The following UBA5 variants were observed in gnomAD, a reference collection of about 807,000 sequenced individuals.
UBA5 encodes ubiquitin-like modifier-activating enzyme 5.
UBA5 carries 28 observed loss-of-function variants against 52.9 expected under a neutral mutation model. The observed-to-expected ratio is 0.53, with a 90% CI of 0.39 to 0.73. UBA5 has a LOEUF of 0.73. Ranked by LOEUF, UBA5 falls within the 30% of genes least tolerant of loss-of-function variation. The pLI, the probability that UBA5 is intolerant of heterozygous loss-of-function variation, is 0.00. For missense variants in UBA5, 388 were observed against 492.7 expected, an observed-to-expected ratio of 0.79 and a Z score of 2.01; for synonymous variants, 135 against 162.1, an observed-to-expected ratio of 0.83 and a Z score of 1.27.
intron 8 of UBA5, among the ~76,000 whole-genome samples, chr3:132,673,767 T>G (rs979299001): frequency 6.6e-6 from 1 of 151,832 alleles, no homozygotes; most frequent in Non-Finnish European, 1.5e-5. Flanking sequence ...CAGGTTCAAG[T>G]GATCCTCCTA....
chr3:132,667,568 G>A (rs1938429489), intron 3 of UBA5: 1 of 152,198 alleles, frequency 6.6e-6, no homozygotes, highest in African/African-American at 2.4e-5. Context: ...GTGAATTAAT[G>A]AGGTTAAATA....
chr3:132,657,965 G>A (rs1373709395), upstream of UBA5, among the ~76,000 whole-genome samples: 3 of 149,394 alleles, frequency 2.0e-5, no homozygotes, highest in East Asian at 2.0e-4. Context: ...TGGTTCAAGC[G>A]ATTCTCCTGC....
intron 1 of UBA5, among the ~76,000 whole-genome samples, chr3:132,663,559 T>C (rs1938255695): frequency 6.6e-6 from 1 of 152,080 alleles, no homozygotes; most frequent in South Asian, 2.1e-4. Context: ...GGTTGGAGTT[T>C]GAAAGATTAT....
Position 132,670,205 on chromosome 3 carries a change from A to C in UBA5, c.415A>C (p.Asn139His). ...TCCCTTTTTCCTTCTTAGGAACATTAATCCTGATGTTCTTTTTGAAGTACA... is the reference window on the plus strand; with the variant it reads ...TCCCTTTTTCCTTCTTAGGAACATTCATCCTGATGTTCTTTTTGAAGTACA... Reference protein sequence around the residue: ...QAAEHTLRNINPDVLFEVHNY... With the variant: ...QAAEHTLRNIHPDVLFEVHNY... The change falls in exon 5 of 12, where the codon AAT becomes CAT. Residue 139 changes from asparagine to histidine, a missense_variant. Coordinates refer to ENST00000356232, the MANE Select transcript of UBA5 (RefSeq NM_024818.6). 6.8e-7 allele frequency: 1 copy of C among 1,461,396 alleles called. No homozygotes were observed. Among genetic ancestry groups the C allele is most frequent in the Non-Finnish European group, 9.5e-7 (1 of 1,050,186 alleles). 90.5% of individuals were successfully genotyped at this position (1,461,396 alleles called of 1,614,324 possible).
At chr3:132,666,426 G>A (rs1938381103) in intron 3 of UBA5, among the ~76,000 whole-genome samples, 1 of 152,100 alleles carries the variant, frequency 6.6e-6, no homozygotes, top group Non-Finnish European at 1.5e-5. Flanking sequence ...AGGCAGAATA[G>A]AAAACATGTA....
Position 132,678,283 on chromosome 3 carries a change from A to G in UBA5, c.*1757A>G, listed in dbSNP as rs904841998. Reference sequence around the variant, plus strand: ...GTAATAGAGATGTTGCTATCCTAGAATACTCTCTTGACAGTCTGTATGCCA... The same window carrying G: ...GTAATAGAGATGTTGCTATCCTAGAGTACTCTCTTGACAGTCTGTATGCCA... On this transcript the variant is annotated 3_prime_UTR_variant, in exon 12 of 12. Transcript: ENST00000356232. 6.6e-6 allele frequency among the ~76,000 whole-genome samples: 1 copy of G among 152,220 alleles called. No individual in the cohort carries two copies. The highest frequency in any genetic ancestry group is 1.9e-4 in the East Asian group (1 of 5,200).
chr3:132,670,861 C>T (rs1938570231), intron 5 of UBA5, 104 bp from the exon 6 acceptor site: 3 of 673,426 alleles, frequency 4.5e-6, no homozygotes, highest in Non-Finnish European at 7.5e-6. Context: ...TAATTATAGT[C>T]AAACATTTAA....
chr3:132,671,695 C>T, intron 6 of UBA5, 82 bp from the exon 7 acceptor site: 1 of 1,081,340 alleles, frequency 9.2e-7, no homozygotes, highest in Admixed American at 2.3e-5. Flanking sequence ...CCTTGGTAAT[C>T]CATTCAGTTA....
upstream of UBA5, chr3:132,659,814 G>T (rs1938037950): frequency 6.6e-7 from 1 of 1,521,540 alleles, no homozygotes; most frequent in Non-Finnish European, 8.8e-7. Flanking sequence ...AGTCCTTCAG[G>T]ATTGGGGCAA....
At chr3:132,657,330 GGTCT>G (rs1324824607), upstream of UBA5, among the ~76,000 whole-genome samples, 6 of 152,008 alleles carry the variant, frequency 3.9e-5, no homozygotes, top group Non-Finnish European at 1.5e-5. Flanking sequence ...CTATTTTATT[GGTCT>G]GTCTATCTCT....
At chr3:132,659,998 C>T (rs113373268), upstream of UBA5, 164 of 454,260 alleles carry the variant, frequency 3.6e-4, 1 homozygote, top group Middle Eastern at 2.2e-3. Flanking sequence ...CAGTCAGCGT[C>T]AGAGTTGGAG....
At position 132,675,941 on chromosome 3, in the gene UBA5, T is replaced by C. The variant is rs2107951640; in HGVS notation, c.1131+18T>C. On this transcript the variant is annotated intron_variant, in intron 11 of 11. Transcript: ENST00000356232. ...CAAAAAAGGTACTTCAAAAATATGA[T>C]TTACCCATATGTAAATATCATATAA... The C allele has an allele frequency of 2.1e-6, 3 of 1,435,934 alleles. No individual in the cohort carries two copies. The highest frequency in any genetic ancestry group is 1.2e-5 in the South Asian group (1 of 82,054). The allele number at this position is 1,435,934 out of a possible 1,614,324, so 88.9% of individuals were successfully genotyped here.
intron 3 of UBA5, among the ~76,000 whole-genome samples, chr3:132,666,942 G>A (rs1315708358): frequency 6.6e-5 from 10 of 152,140 alleles, no homozygotes; most frequent in Non-Finnish European, 1.2e-4. Flanking sequence ...TCAAGTTTGA[G>A]TATGTTATCA....
At position 132,676,048 on chromosome 3, in the gene UBA5, TGTGA is replaced by T; in HGVS notation, c.1131+127_1131+130del. ...ATATTTTATGCTATAGGCATTAAGA[TGTGA>T]GAGAGAGGTATGCAGTGTTAATATG... is the stretch of plus-strand genomic sequence containing the variant. On this transcript the variant is annotated intron_variant, in intron 11 of 11. Transcript: ENST00000356232. The surrounding 1 kb of genome is among the most constrained non-coding windows in gnomAD (Gnocchi z 4.1). 1.5e-6 allele frequency: 1 copy of T among 664,350 alleles called. No homozygotes were observed. Among genetic ancestry groups the T allele is most frequent in the Non-Finnish European group, 2.6e-6 (1 of 391,328 alleles). The allele number at this position is 664,350 out of a possible 1,614,324, so 41.2% of individuals were successfully genotyped here.
At chr3:132,672,212 A>G (rs755608181) in intron 8 of UBA5, 35 bp downstream of exon 8, 3 of 1,595,388 alleles carry the variant, frequency 1.9e-6, no homozygotes, top group East Asian at 2.2e-5. Flanking sequence ...ATAGTCTTGT[A>G]TGCTTTCAGT....
intron 1 of UBA5, among the ~76,000 whole-genome samples, chr3:132,662,061 G>C (rs568160985): frequency 1.3e-5 from 2 of 152,276 alleles, no homozygotes; most frequent in Non-Finnish European, 2.9e-5. Context: ...AGAGGAATAT[G>C]GGTCATGAAT....
chr3:132,664,327 T>C (rs1304805117), intron 1 of UBA5, among the ~76,000 whole-genome samples: 1 of 152,196 alleles, frequency 6.6e-6, no homozygotes, highest in East Asian at 1.9e-4. Context: ...ATTAAGAGTA[T>C]ATGTGTAGCT....
At position 132,672,158 on chromosome 3, in the gene UBA5, T is replaced by A; in HGVS notation, c.793T>A (p.Leu265Ile). ...CACTATGGGTGTGGTTGCTGGGATC[T>A]TAGTACAAAACGTGTTAAAGTAAGT... Reference protein sequence around the residue: ...PTTMGVVAGILVQNVLKFLLN... With the variant: ...PTTMGVVAGIIVQNVLKFLLN... Residue 265 changes from leucine to isoleucine, a missense_variant, in exon 8 of 12, where the codon TTA becomes ATA. Around this residue, in one of 3 missense-constraint regions of UBA5, gnomAD observed 277 missense variants for 326.4 expected, o/e 0.85. Coordinates refer to ENST00000356232, the MANE Select transcript of UBA5 (RefSeq NM_024818.6). 1 of 1,613,948 alleles carries A rather than the reference T, an allele frequency of 6.2e-7. No individual in the cohort carries two copies. The highest frequency in any genetic ancestry group is 8.5e-7 in the Non-Finnish European group (1 of 1,179,902).
intron 1 of UBA5, among the ~76,000 whole-genome samples, chr3:132,664,237 G>C (rs1938279790): frequency 6.6e-6 from 1 of 152,136 alleles, no homozygotes; most frequent in African/African-American, 2.4e-5. Flanking sequence ...AATTTTACAA[G>C]CTAGGAGACA....
Sources: allele counts gnomAD v4.1 joint callset (sites outside exome capture counted in the v4.1 genomes callset), GRCh38; gene constraint gnomAD v4.1.1; regional missense constraint gnomAD v4.1.1; non-coding constraint Gnocchi (gnomAD v3.1); transcripts MANE v1.5; gene names NCBI Gene and HGNC (gene_info 2026-07-23, HGNC 2026-07-21).